The following LURAP1L variants were observed in gnomAD, a reference collection of about 807,000 sequenced individuals.
The protein encoded by LURAP1L is leucine rich adaptor protein 1-like.
LURAP1L carries 12 observed loss-of-function variants against 13.8 expected under a neutral mutation model. The observed-to-expected ratio is 0.87, with a 90% CI of 0.56 to 1.41. The LOEUF is 1.41. Ranked by LOEUF, LURAP1L falls within the 40% of genes most tolerant of loss-of-function variation. LURAP1L has a pLI of 0.00. For missense variants in LURAP1L, 375 were observed against 292.9 expected, an observed-to-expected ratio of 1.28 and a Z score of -2.04; for synonymous variants, 139 against 119.2, an observed-to-expected ratio of 1.17 and a Z score of -1.08.
At chr9:12,815,629 A>AGCCTAGGCC (rs1819794732) in intron 1 of LURAP1L, among the ~76,000 whole-genome samples, 1 of 152,154 alleles carries the variant, frequency 6.6e-6, no homozygotes, top group Admixed American at 6.5e-5. Context: ...ACAAATGTAT[A>AGCCTAGGCC]ACTAGGAGGT....
At chr9:12,781,729 A>G (rs996803902) in intron 1 of LURAP1L, among the ~76,000 whole-genome samples, 1 of 152,198 alleles carries the variant, frequency 6.6e-6, no homozygotes, top group African/African-American at 2.4e-5. Flanking sequence ...AGGAGTGAAG[A>G]TATCTATTTG....
At chr9:12,803,446 A>G (rs1215154863) in intron 1 of LURAP1L, among the ~76,000 whole-genome samples, 1 of 152,242 alleles carries the variant, frequency 6.6e-6, no homozygotes, top group Non-Finnish European at 1.5e-5. Context: ...TATTCCCACT[A>G]AATGATACTG....
chr9:12,791,691 TACAC>T (rs111521632), intron 1 of LURAP1L, among the ~76,000 whole-genome samples: 2,106 of 147,698 alleles, frequency 0.014, 29 homozygotes, highest in African/African-American at 0.036. Flanking sequence ...CCCTTCTTTT[TACAC>T]ACACACACAC....
At chr9:12,810,520 A>G (rs962985493) in intron 1 of LURAP1L, among the ~76,000 whole-genome samples, 3 of 152,216 alleles carry the variant, frequency 2.0e-5, no homozygotes, top group Non-Finnish European at 4.4e-5. Context: ...TTCACATATC[A>G]GACTGGAACC....
intron 1 of LURAP1L, among the ~76,000 whole-genome samples, chr9:12,820,509 C>G (rs555925807): frequency 2.5e-4 from 20 of 79,240 alleles, no homozygotes; most frequent in Middle Eastern, 4.3e-3. Context: ...TCCCCCCCCC[C>G]CCCCCAAAAA....
At chr9:12,781,418 C>A (rs10120645) in intron 1 of LURAP1L, among the ~76,000 whole-genome samples, 118,544 of 152,016 alleles carry the variant, frequency 0.78, 47,818 homozygotes, top group Non-Finnish European at 0.89. Context: ...CTACCCCTTC[C>A]CAGCCTCTGG....
chr9:12,798,004 T>A (rs112926001), intron 1 of LURAP1L, among the ~76,000 whole-genome samples: 373 of 152,282 alleles, frequency 2.4e-3, no homozygotes, highest in African/African-American at 8.5e-3. Context: ...TGCTAGTTCA[T>A]GGGGCAAGCA....
rs867137153 is a variant in LURAP1L, at chr9:12,820,513, C to A, written c.313-873C>A. On this transcript the variant is annotated intron_variant, in intron 1 of 1. Coordinates refer to ENST00000319264, the MANE Select transcript of LURAP1L (RefSeq NM_203403.2). Reference sequence around the variant, plus strand: ...TCGAGACTCCGTCCCCCCCCCCCCCCCAAAAAAAAAAAAGGACCACACACC... The same window carrying A: ...TCGAGACTCCGTCCCCCCCCCCCCCACAAAAAAAAAAAAGGACCACACACC... 4.1e-3 allele frequency among the ~76,000 whole-genome samples: 267 copies of A among 64,966 alleles called. 6 individuals carry two copies. Among genetic ancestry groups the A allele is most frequent in the African/African-American group, 0.019 (247 of 13,270 alleles). The allele number at this position is 64,966 out of a possible 152,430, so 42.6% of individuals were successfully genotyped here. A position where few individuals can be genotyped will look rare whatever the true frequency, so the allele number is the denominator to read the frequency against.
In LURAP1L at chr9:12,807,242, G is replaced by C. The variant is rs988807200; in HGVS notation, c.313-14144G>C. On this transcript the variant is annotated intron_variant, in intron 1 of 1. Transcript: ENST00000319264. ...GATCGTGCCACTGCACTCCAGCCTG[G>C]GCGACAGAGCGAGACTCCATCTCAA... is the stretch of plus-strand genomic sequence containing the variant. 5.9e-5 allele frequency among the ~76,000 whole-genome samples: 9 copies of C among 151,540 alleles called. No individual in the cohort carries two copies. In the South Asian group the frequency reaches 1.0e-3, roughly 18 times the overall value.
rs569297313 is a variant in LURAP1L, at chr9:12,794,858, A to T, written c.312+18831A>T. 1.4e-3 allele frequency among the ~76,000 whole-genome samples: 218 copies of T among 151,722 alleles called. 2 individuals carry two copies. The highest frequency in any genetic ancestry group is 2.7e-3 in the Non-Finnish European group (185 of 67,874). ...TGTTTTTAGGCATCAACTATATTCA[A>T]TTCTTGTGATAAGCCCCAAAGTAAT... is the stretch of plus-strand genomic sequence containing the variant. On this transcript the variant is annotated intron_variant, in intron 1 of 1. Transcript: ENST00000319264.
chr9:12,803,302 T>A (rs546290925), intron 1 of LURAP1L, among the ~76,000 whole-genome samples: 147 of 152,340 alleles, frequency 9.6e-4, no homozygotes, highest in African/African-American at 3.3e-3. Flanking sequence ...CTGAAAGGAA[T>A]TTTGAAGATG....
intron 1 of LURAP1L, among the ~76,000 whole-genome samples, chr9:12,797,590 G>T (rs1819526394): frequency 6.6e-6 from 1 of 152,068 alleles, no homozygotes; most frequent in African/African-American, 2.4e-5. Flanking sequence ...TCTAGTAATA[G>T]TTTGAGCAAA....
intron 1 of LURAP1L, among the ~76,000 whole-genome samples, chr9:12,797,666 GATTTT>G (rs1472617984): frequency 5.9e-5 from 9 of 151,774 alleles, no homozygotes; most frequent in Non-Finnish European, 8.8e-5. Context: ...AAAGCTTTTG[GATTTT>G]ATTTTAACTT....
At chr9:12,783,285 G>C (rs1819300652) in intron 1 of LURAP1L, among the ~76,000 whole-genome samples, 1 of 152,014 alleles carries the variant, frequency 6.6e-6, no homozygotes, top group South Asian at 2.1e-4. Context: ...CTTATTTCCA[G>C]ACCTTAGAGG....
chr9:12,794,736 A>G (rs759703499), intron 1 of LURAP1L, among the ~76,000 whole-genome samples: 1 of 151,878 alleles, frequency 6.6e-6, no homozygotes, highest in Non-Finnish European at 1.5e-5. Flanking sequence ...TCTCAGCTGC[A>G]CACCATTTAA....
chr9:12,804,853 T>A (rs1819634752), intron 1 of LURAP1L, among the ~76,000 whole-genome samples: 1 of 152,140 alleles, frequency 6.6e-6, no homozygotes, highest in Non-Finnish European at 1.5e-5. Flanking sequence ...TCTTTTTTCA[T>A]ACTTGTCAGG....
At chr9:12,797,024 A>C (rs1303283321) in intron 1 of LURAP1L, among the ~76,000 whole-genome samples, 1 of 152,004 alleles carries the variant, frequency 6.6e-6, no homozygotes, top group East Asian at 1.9e-4. Flanking sequence ...TATTATTATC[A>C]CTGGGGTTCT....
chr9:12,786,775 G>C (rs377342872), intron 1 of LURAP1L, among the ~76,000 whole-genome samples: 5 of 151,458 alleles, frequency 3.3e-5, no homozygotes, highest in Admixed American at 6.6e-5. Flanking sequence ...TTATGAAAGA[G>C]TGATGTGTAA....
Position 12,820,505 on chromosome 9 carries a change from C to G in LURAP1L, c.313-881C>G, listed in dbSNP as rs868225639. On this transcript the variant is annotated intron_variant, in intron 1 of 1. Transcript: ENST00000319264. ...ACGACAGATCGAGACTCCGTCCCCC[C>G]CCCCCCCCCAAAAAAAAAAAAGGAC... 3.6e-4 allele frequency among the ~76,000 whole-genome samples: 24 copies of G among 67,094 alleles called. 1 individual carries two copies. The highest frequency in any genetic ancestry group is 5.5e-4 in the Admixed American group (5 of 9,142). 44.0% of individuals were successfully genotyped at this position (67,094 alleles called of 152,430 possible). A position where few individuals can be genotyped will look rare whatever the true frequency, so the allele number is the denominator to read the frequency against.
Sources: gnomAD v4.1 joint callset for allele counts (sites outside exome capture counted in the v4.1 genomes callset) on GRCh38, gnomAD v4.1.1 for gene constraint, MANE v1.5 for transcripts, NCBI Gene and HGNC (gene_info 2026-07-23, HGNC 2026-07-21) for gene names.